The following CTTNBP2 variants were observed in gnomAD, a reference collection of about 807,000 sequenced individuals.
CTTNBP2 encodes cortactin-binding protein 2.
A neutral mutation model predicts 156.9 loss-of-function variants in CTTNBP2; 108 were observed. The ratio of observed to expected loss-of-function variants is 0.69; its 90% confidence interval spans 0.59 to 0.81. The LOEUF is 0.81. CTTNBP2 is among the 30% of genes least tolerant of loss of function. CTTNBP2 has a pLI of 0.00. For synonymous variants in CTTNBP2, 767 were observed against 751.8 expected (o/e 1.02, Z -0.33); for missense variants, 1,924 against 2,035.4 (o/e 0.95, Z 1.05).
chr7:117,834,354 C>A (rs540661409), intron 2 of CTTNBP2, among the ~76,000 whole-genome samples: 1 of 152,272 alleles, frequency 6.6e-6, no homozygotes, highest in South Asian at 2.1e-4. Context: ...CATGCCAGGG[C>A]TGGAATGTAT....
chr7:117,817,592 C>A (rs1375053644), intron 2 of CTTNBP2, among the ~76,000 whole-genome samples: 1 of 151,236 alleles, frequency 6.6e-6, no homozygotes, highest in East Asian at 1.9e-4. Context: ...TTTCCTATAG[C>A]ATGTAATCCT....
intron 2 of CTTNBP2, among the ~76,000 whole-genome samples, chr7:117,845,218 G>A (rs1802514214): frequency 6.6e-6 from 1 of 152,146 alleles, no homozygotes; most frequent in Admixed American, 6.5e-5. Flanking sequence ...AGTTCATGGG[G>A]TCTAAGAGGA....
rs1056380256 is a variant in CTTNBP2 at position 117,724,445 on chromosome 7, TA to T, written c.4447+101del. ...GCATTAAAATACTTAAACTTTGTTT[TA>T]CCAAATGCATCGTGATAAAAATGAA... On this transcript the variant is annotated intron_variant, in intron 19 of 22. Coordinates refer to ENST00000160373, the MANE Select transcript of CTTNBP2 (RefSeq NM_033427.3). 2.9e-5 allele frequency: 29 copies of T among 1,015,290 alleles called. No homozygotes were observed. The Admixed American group carries it at 7.5e-4, about 26-fold the overall frequency. The allele number at this position is 1,015,290 out of a possible 1,614,324, so 62.9% of individuals were successfully genotyped here.
At chr7:117,778,027 G>C (rs1003487693) in intron 7 of CTTNBP2, among the ~76,000 whole-genome samples, 47 of 152,206 alleles carry the variant, frequency 3.1e-4, no homozygotes, top group African/African-American at 1.0e-3. Flanking sequence ...GGGGTGAGCA[G>C]GTACTGTCCA....
intron 4 of CTTNBP2, chr7:117,786,267 T>G: frequency 3.6e-6 from 1 of 277,642 alleles, no homozygotes; most frequent in East Asian, 9.8e-5. Flanking sequence ...GGACTACATG[T>G]AGTGACATAC....
At chr7:117,719,719 T>C in intron 20 of CTTNBP2, 83 bp from the exon 21 acceptor site, 1 of 1,200,982 alleles carries the variant, frequency 8.3e-7, no homozygotes, top group Non-Finnish European at 1.2e-6. Context: ...TTTTTTGGGA[T>C]TTGGTGTGGG....
chr7:117,724,507 C>T lies in CTTNBP2; in HGVS notation c.4447+40G>A, dbSNP rs1280157011. On this transcript the variant is annotated intron_variant, in intron 19 of 22. Transcript: ENST00000160373. ...CTTTCAGACACTGGATCACGTATGTCCACCTCCTGGTAGGCAACATGCCTA... is the reference window on the plus strand; with the variant it reads ...CTTTCAGACACTGGATCACGTATGTTCACCTCCTGGTAGGCAACATGCCTA... 7.8e-6 allele frequency: 12 copies of T among 1,543,932 alleles called. 1 individual carries two copies. The African/African-American group carries it at 1.7e-4, about 21-fold the overall frequency.
intron 3 of CTTNBP2, among the ~76,000 whole-genome samples, chr7:117,798,656 C>T (rs1308545571): frequency 6.6e-6 from 1 of 151,962 alleles, no homozygotes; most frequent in Non-Finnish European, 1.5e-5. Flanking sequence ...AATCAATCAT[C>T]CTAGTTTCAC....
intron 4 of CTTNBP2, among the ~76,000 whole-genome samples, chr7:117,788,707 G>A (rs1351485956): frequency 6.6e-6 from 1 of 152,174 alleles, no homozygotes; most frequent in Non-Finnish European, 1.5e-5. Flanking sequence ...TACTTGAGTT[G>A]TAGAGTCGTA....
At chr7:117,867,932 T>A (rs1804319645) in intron 1 of CTTNBP2, among the ~76,000 whole-genome samples, 2 of 152,144 alleles carry the variant, frequency 1.3e-5, no homozygotes, top group African/African-American at 4.8e-5. Flanking sequence ...AACCTGGTAA[T>A]GGATGTAACT....
chr7:117,825,117 G>A (rs976203036), intron 2 of CTTNBP2, among the ~76,000 whole-genome samples: 6 of 152,146 alleles, frequency 3.9e-5, no homozygotes, highest in Admixed American at 6.6e-5. Context: ...TGGTACAAAT[G>A]TACATTTCAT....
chr7:117,791,563 T>G lies in CTTNBP2; in HGVS notation c.1633A>C (p.Ile545Leu). The G allele has an allele frequency of 6.2e-7, 1 of 1,614,068 alleles. No individual in the cohort carries two copies. The highest frequency in any genetic ancestry group is 8.5e-7 in the Non-Finnish European group (1 of 1,179,984). ...GAGAGCCCTGGCTTTTTTGGAGGGA[T>G]AGGAGGAGGATTTCCTCTGTCAACT... ...ARVDRGNPPPIPPKKPGLSQT... is the reference protein window; with the variant it reads ...ARVDRGNPPPLPPKKPGLSQT... Residue 545 changes from isoleucine to leucine, a missense_variant, in exon 4 of 23, where the codon ATC (isoleucine) becomes CTC (leucine). By Grantham distance (5) the Ile-to-Leu change is conservative (BLOSUM62 2). Transcript: ENST00000160373.
At chr7:117,806,756 T>TG (rs1294579916) in intron 3 of CTTNBP2, among the ~76,000 whole-genome samples, 3 of 74,868 alleles carry the variant, frequency 4.0e-5, no homozygotes, top group Non-Finnish European at 5.5e-5. Flanking sequence ...TTTTTTTTTT[T>TG]TTTTTTTTTT....
At chr7:117,798,495 G>A (rs1351695038) in intron 3 of CTTNBP2, among the ~76,000 whole-genome samples, 1 of 152,110 alleles carries the variant, frequency 6.6e-6, no homozygotes, top group Non-Finnish European at 1.5e-5. Context: ...AGAGGATTAA[G>A]AGGAAATCAC....
At chr7:117,714,633 T>G (rs1794241510) in intron 22 of CTTNBP2, among the ~76,000 whole-genome samples, 1 of 152,112 alleles carries the variant, frequency 6.6e-6, no homozygotes, top group African/African-American at 2.4e-5. Flanking sequence ...GCAGGAAATA[T>G]CCACATGAAA....
At chr7:117,812,737 C>T (rs1018842181) in intron 2 of CTTNBP2, among the ~76,000 whole-genome samples, 1 of 152,116 alleles carries the variant, frequency 6.6e-6, no homozygotes, top group Non-Finnish European at 1.5e-5. Context: ...TCATTTTGCC[C>T]TTCACATTTT....
rs1798355935 is a variant in CTTNBP2, at chr7:117,780,425, AC to A, written c.2523+15del. On this transcript the variant is annotated intron_variant, in intron 7 of 22. Coordinates refer to ENST00000160373, the MANE Select transcript of CTTNBP2 (RefSeq NM_033427.3). The stretch of plus-strand genomic sequence containing the variant: ...AAATTATATATACAGGGGGAAAAAA[AC>A]AGACTGCTACTCACTGTGGTTTTTA... 1 of 1,490,302 alleles carries A rather than the reference AC, an allele frequency of 6.7e-7. No homozygotes were observed. The highest frequency in any genetic ancestry group is 1.4e-5 in the African/African-American group (1 of 69,336). The allele number at this position is 1,490,302 out of a possible 1,614,324, so 92.3% of individuals were successfully genotyped here.
At chr7:117,859,234 A>G (rs1430829677) in intron 2 of CTTNBP2, among the ~76,000 whole-genome samples, 1 of 152,202 alleles carries the variant, frequency 6.6e-6, no homozygotes, top group Non-Finnish European at 1.5e-5. Context: ...GACCTACAAT[A>G]TCATCTAAGG....
Position 117,792,041 on chromosome 7 carries a change from T to C in CTTNBP2, c.1155A>G (p.Gly385=). 6.2e-7 allele frequency: 1 copy of C among 1,614,086 alleles called. No homozygotes were observed. Among genetic ancestry groups the C allele is most frequent in the South Asian group, 1.1e-5 (1 of 91,080 alleles). The part of the protein sequence containing the change: ...PPSANKIEEN[G]PSTGSTPDPT... ...GATCTGGTGTTGAGCCAGTGCTTGG[T>C]CCATTTTCCTCAATTTTGTTTGCAC... is the stretch of plus-strand genomic sequence containing the variant. The change falls in exon 4 of 23, where the codon GGA becomes GGG. Residue 385 remains glycine (G), a synonymous_variant. Transcript: ENST00000160373. The surrounding 1 kb of genome is among the most constrained non-coding windows in gnomAD (Gnocchi z 4.2).
Sources: allele counts gnomAD v4.1 joint callset (sites outside exome capture counted in the v4.1 genomes callset), GRCh38; gene constraint gnomAD v4.1.1; non-coding constraint Gnocchi (gnomAD v3.1); transcripts MANE v1.5; gene names NCBI Gene and HGNC (gene_info 2026-07-23, HGNC 2026-07-21).